Variants in DSCAM observed in about 807,000 individuals in gnomAD.
DSCAM encodes cell adhesion molecule DSCAM.
Under a neutral mutation model 217.7 loss-of-function variants are expected in DSCAM, and 47 were observed. The observed-to-expected ratio is 0.22, with a 90% CI of 0.17 to 0.28. The LOEUF (loss-of-function observed/expected upper bound fraction) is 0.28. Among genes scored for constraint, DSCAM ranks in the 10% least tolerant of loss-of-function variants. DSCAM has a pLI of 1.00. For missense variants in DSCAM, 2,080 were observed against 2,618.3 expected, an observed-to-expected ratio of 0.79 and a Z score of 4.49; for synonymous variants, 1,056 against 1,015.3, an observed-to-expected ratio of 1.04 and a Z score of -0.76.
chr21:40,578,445 CAG>C (rs2076873382), intron 3 of DSCAM, among the ~76,000 whole-genome samples: 1 of 40,880 alleles, frequency 2.4e-5, no homozygotes, highest in Non-Finnish European at 5.8e-5. Flanking sequence ...CTCTGTAAAA[CAG>C]ACCAATCAGC....
At chr21:40,518,484 T>TATA (rs2076328429) in intron 3 of DSCAM, among the ~76,000 whole-genome samples, 2 of 12,704 alleles carry the variant, frequency 1.6e-4, no homozygotes, top group African/African-American at 1.0e-3. Flanking sequence ...ATATATTTTA[T>TATA]ATATATATTA....
intron 3 of DSCAM, among the ~76,000 whole-genome samples, chr21:40,386,214 G>A (rs1438346783): frequency 1.3e-5 from 2 of 152,154 alleles, no homozygotes; most frequent in Admixed American, 1.3e-4. Flanking sequence ...AAAACAAAAA[G>A]TATAAAAATG....
chr21:40,691,157 G>T (rs1350971774), intron 3 of DSCAM, among the ~76,000 whole-genome samples: 1 of 152,148 alleles, frequency 6.6e-6, no homozygotes, highest in Admixed American at 6.5e-5. Context: ...CTTCCTTCAG[G>T]CACATGCCCC....
chr21:40,399,587 T>C (rs1270350297), intron 3 of DSCAM, among the ~76,000 whole-genome samples: 2 of 152,232 alleles, frequency 1.3e-5, no homozygotes, highest in African/African-American at 4.8e-5. Context: ...ACGTATCTTC[T>C]CTGCATGTGC....
chr21:40,274,988 A>G (rs374241605), intron 11 of DSCAM, among the ~76,000 whole-genome samples: 31 of 152,050 alleles, frequency 2.0e-4, no homozygotes, highest in African/African-American at 7.2e-4. Context: ...TATAGTAGAG[A>G]CTTTTCCAAA....
chr21:40,400,307 T>C (rs2075222028), intron 3 of DSCAM, among the ~76,000 whole-genome samples: 1 of 152,210 alleles, frequency 6.6e-6, no homozygotes, highest in Non-Finnish European at 1.5e-5. Flanking sequence ...AAACATTGTA[T>C]TTTCCAAAAC....
At chr21:40,050,075 C>G (rs1292005633) in intron 30 of DSCAM, among the ~76,000 whole-genome samples, 1 of 152,178 alleles carries the variant, frequency 6.6e-6, no homozygotes, top group Non-Finnish European at 1.5e-5. Flanking sequence ...ATTTCTAACC[C>G]TTGGGGCAGT....
At chr21:40,248,750 C>T (rs2073261893) in intron 11 of DSCAM, among the ~76,000 whole-genome samples, 1 of 152,132 alleles carries the variant, frequency 6.6e-6, no homozygotes, top group African/African-American at 2.4e-5. Flanking sequence ...TTCAGCAGTG[C>T]CCCACTCTAC....
chr21:40,138,724 T>C (rs2090247160), intron 18 of DSCAM, among the ~76,000 whole-genome samples: 2 of 131,726 alleles, frequency 1.5e-5, no homozygotes. Context: ...GTGGTGTGTA[T>C]GTATGTGGTG....
chr21:40,807,281 A>G (rs993936054), intron 1 of DSCAM, among the ~76,000 whole-genome samples: 1 of 152,186 alleles, frequency 6.6e-6, no homozygotes, highest in Non-Finnish European at 1.5e-5. Flanking sequence ...GAAAACATCT[A>G]TGTCCTTAAA....
At chr21:40,357,110 A>G (rs1223653080) in intron 4 of DSCAM, among the ~76,000 whole-genome samples, 8 of 152,212 alleles carry the variant, frequency 5.3e-5, no homozygotes, top group Admixed American at 1.3e-4. Context: ...TTCCAGAATT[A>G]CAGTCATTCA....
At chr21:40,092,653 GTTTT>G (rs1429163873) in intron 21 of DSCAM, among the ~76,000 whole-genome samples, 1 of 152,130 alleles carries the variant, frequency 6.6e-6, no homozygotes, top group Non-Finnish European at 1.5e-5. Flanking sequence ...TTGTTGCAGT[GTTTT>G]TTTGTTTGTT....
At chr21:40,326,473 C>G (rs1486460802) in intron 8 of DSCAM, among the ~76,000 whole-genome samples, 1 of 152,152 alleles carries the variant, frequency 6.6e-6, no homozygotes, top group African/African-American at 2.4e-5. Context: ...AGTATTTAAA[C>G]AAATGGGGAC....
chr21:40,593,966 TTTG>T (rs1019347177), intron 3 of DSCAM, among the ~76,000 whole-genome samples: 71 of 152,186 alleles, frequency 4.7e-4, no homozygotes, highest in African/African-American at 1.5e-3. Context: ...AATAGCATAT[TTTG>T]TTGTTGTTGT....
intron 16 of DSCAM, among the ~76,000 whole-genome samples, chr21:40,156,720 G>A (rs1010720198): frequency 9.2e-5 from 14 of 152,210 alleles, no homozygotes; most frequent in Non-Finnish European, 2.1e-4. Context: ...CACAATGGTG[G>A]TAGTGATATA....
At chr21:40,695,968 T>C (rs1207916962) in intron 2 of DSCAM, among the ~76,000 whole-genome samples, 1 of 152,190 alleles carries the variant, frequency 6.6e-6, no homozygotes, top group Non-Finnish European at 1.5e-5. Flanking sequence ...GTGAGTTTCC[T>C]GAGCCCATAG....
At chr21:40,427,197 C>T (rs1005957313) in intron 3 of DSCAM, among the ~76,000 whole-genome samples, 2 of 152,182 alleles carry the variant, frequency 1.3e-5, no homozygotes, top group Non-Finnish European at 2.9e-5. Context: ...TCCCAGCTGA[C>T]CAGACCACTG....
chr21:40,696,469 C>T (rs796706272), intron 2 of DSCAM, among the ~76,000 whole-genome samples: 1 of 152,274 alleles, frequency 6.6e-6, no homozygotes, highest in African/African-American at 2.4e-5. Flanking sequence ...GAGCTGGGAT[C>T]CCCTGTTGTA....
intron 3 of DSCAM, among the ~76,000 whole-genome samples, chr21:40,382,274 T>C (rs2075034341): frequency 1.3e-5 from 2 of 152,196 alleles, no homozygotes; most frequent in Non-Finnish European, 2.9e-5. Context: ...CACCAAGACC[T>C]AGCAGCCGCC....
Sources: allele counts gnomAD v4.1 joint callset (sites outside exome capture counted in the v4.1 genomes callset), GRCh38; gene constraint gnomAD v4.1.1; transcripts MANE v1.5; gene names NCBI Gene and HGNC (gene_info 2026-07-23, HGNC 2026-07-21).